Variants in ELP4 observed in about 807,000 individuals in gnomAD.
The protein encoded by ELP4 is elongator acetyltransferase complex subunit 4, also known as elongator complex protein 4.
A neutral mutation model predicts 48.9 loss-of-function variants in ELP4; 51 were observed. The observed-to-expected ratio is 1.04, with a 90% CI of 0.83 to 1.32. The LOEUF is 1.32. ELP4 is among the 40% of genes most tolerant of loss of function. The probability of loss-of-function intolerance (pLI) is 0.00; values close to 1 mark genes in which losing one functional copy is unlikely to be tolerated. For synonymous variants in ELP4, 210 were observed against 189.2 expected, an observed-to-expected ratio of 1.11 and a Z score of -0.90; for missense variants, 519 against 514.6, an observed-to-expected ratio of 1.01 and a Z score of -0.08.
chr11:31,562,083 C>T (rs2996466), intron 3 of ELP4, among the ~76,000 whole-genome samples: 54,788 of 151,974 alleles, frequency 0.36, 12,178 homozygotes, highest in African/African-American at 0.63. Flanking sequence ...GCTGGGACCT[C>T]GATAAGAAAT....
intron 7 of ELP4, among the ~76,000 whole-genome samples, chr11:31,635,772 C>G (rs936402502): frequency 6.6e-6 from 1 of 151,950 alleles, no homozygotes. Flanking sequence ...TTAAACAGAT[C>G]TCCAAAATTG....
chr11:31,546,954 C>T (rs545161502), intron 3 of ELP4, among the ~76,000 whole-genome samples: 165 of 152,184 alleles, frequency 1.1e-3, no homozygotes, highest in Middle Eastern at 3.4e-3. Flanking sequence ...AAAGACACAA[C>T]GTACCAGAAT....
At chr11:31,541,390 C>G (rs562579619) in intron 3 of ELP4, 1 of 152,128 alleles carries the variant, frequency 6.6e-6, no homozygotes, top group East Asian at 1.9e-4. Flanking sequence ...TTCTTTTGCT[C>G]TGTTTTCTGG....
At chr11:31,525,522 T>C (rs1956282891) in intron 2 of ELP4, among the ~76,000 whole-genome samples, 1 of 152,124 alleles carries the variant, frequency 6.6e-6, no homozygotes, top group South Asian at 2.1e-4. Context: ...AAAAAATTGC[T>C]CATATGGAAA....
At chr11:31,522,652 A>G (rs180736948) in intron 2 of ELP4, among the ~76,000 whole-genome samples, 44 of 152,268 alleles carry the variant, frequency 2.9e-4, no homozygotes, top group African/African-American at 1.1e-3. Context: ...TCTAGAATAA[A>G]CTGTAAGATA....
chr11:31,733,203 T>C (rs952345582), intron 9 of ELP4, among the ~76,000 whole-genome samples: 5 of 152,130 alleles, frequency 3.3e-5, no homozygotes, highest in Non-Finnish European at 7.4e-5. Flanking sequence ...AAAATGGGCA[T>C]GGTGGCCCAC....
At chr11:31,581,078 C>T (rs1434003973) in intron 3 of ELP4, among the ~76,000 whole-genome samples, 2 of 152,016 alleles carry the variant, frequency 1.3e-5, no homozygotes, top group East Asian at 1.9e-4. Context: ...ATATGAATTA[C>T]GAATTCATCT....
chr11:31,785,499 A>G lies in ELP4; in HGVS notation c.*1975A>G. The G allele has an allele frequency of 1.1e-5, 2 of 190,122 alleles. No homozygotes were observed. Among genetic ancestry groups the G allele is most frequent in the Non-Finnish European group, 2.2e-5 (2 of 90,532 alleles). 11.8% of individuals were successfully genotyped at this position (190,122 alleles called of 1,614,324 possible). A position where few individuals can be genotyped will look rare whatever the true frequency, so the allele number is the denominator to read the frequency against. On this transcript the variant is annotated 3_prime_UTR_variant, in exon 10 of 10. Transcript: ENST00000640961. ...TTGCAAATAGATAACTACTATAAAA[A>G]TTGAATATGCATATTTGAACCCTTA...
At chr11:31,608,351 C>T (rs971607575) in intron 5 of ELP4, among the ~76,000 whole-genome samples, 4 of 151,700 alleles carry the variant, frequency 2.6e-5, no homozygotes, top group African/African-American at 4.9e-5. Flanking sequence ...GATTTTCTAA[C>T]GGGGAAGATG....
intron 9 of ELP4, among the ~76,000 whole-genome samples, chr11:31,694,931 G>C (rs1040022106): frequency 6.6e-6 from 1 of 152,096 alleles, no homozygotes; most frequent in South Asian, 2.1e-4. Flanking sequence ...AGTTGTGAAT[G>C]GGAGTTCACT....
chr11:31,741,290 G>A (rs1211522686), intron 9 of ELP4, among the ~76,000 whole-genome samples: 1 of 152,328 alleles, frequency 6.6e-6, no homozygotes, highest in East Asian at 1.9e-4. Flanking sequence ...AAGGAGGCCT[G>A]CCTGCCTCTG....
At chr11:31,576,847 C>G (rs746287631) in intron 3 of ELP4, among the ~76,000 whole-genome samples, 2 of 151,998 alleles carry the variant, frequency 1.3e-5, no homozygotes, top group African/African-American at 4.8e-5. Flanking sequence ...AAGGAAAGAC[C>G]AAAAACTGAC....
intron 9 of ELP4, among the ~76,000 whole-genome samples, chr11:31,774,019 A>G (rs1948198428): frequency 6.6e-6 from 1 of 152,164 alleles, no homozygotes; most frequent in Non-Finnish European, 1.5e-5. Context: ...TCTTTACAAA[A>G]AATACAAAAA....
At chr11:31,578,399 A>G (rs1957325042) in intron 3 of ELP4, among the ~76,000 whole-genome samples, 1 of 152,238 alleles carries the variant, frequency 6.6e-6, no homozygotes. Context: ...CATCCCCATC[A>G]AGCTACCAAT....
intron 9 of ELP4, chr11:31,719,608 AT>A (rs1301767889): frequency 5.0e-6 from 2 of 396,778 alleles, no homozygotes; most frequent in Non-Finnish European, 8.9e-6. Context: ...GAAGAAAAAA[AT>A]GTTCTATGTT....
chr11:31,577,147 C>T (rs1049174327), intron 3 of ELP4, among the ~76,000 whole-genome samples: 1 of 152,134 alleles, frequency 6.6e-6, no homozygotes, highest in African/African-American at 2.4e-5. Flanking sequence ...TCAGAGAATA[C>T]TATAAACACC....
At chr11:31,668,648 A>G (rs1014573479) in intron 9 of ELP4, among the ~76,000 whole-genome samples, 1 of 133,626 alleles carries the variant, frequency 7.5e-6, no homozygotes, top group Non-Finnish European at 1.6e-5. Flanking sequence ...TTTGCTTTAG[A>G]TATCGGAATG....
At chr11:31,550,593 A>C (rs140622637) in intron 3 of ELP4, among the ~76,000 whole-genome samples, 1 of 152,120 alleles carries the variant, frequency 6.6e-6, no homozygotes, top group Non-Finnish European at 1.5e-5. Context: ...CAGATTTTGT[A>C]TTAAGATTGG....
intron 9 of ELP4, 55 bp downstream of exon 9, chr11:31,650,276 T>A: frequency 1.8e-6 from 1 of 567,436 alleles, no homozygotes. Flanking sequence ...TATTTTTAAC[T>A]TATTTTTACT....
Sources: allele counts gnomAD v4.1 joint callset (sites outside exome capture counted in the v4.1 genomes callset), GRCh38; gene constraint gnomAD v4.1.1; transcripts MANE v1.5; gene names NCBI Gene and HGNC (gene_info 2026-07-23, HGNC 2026-07-21).